HDAC9: variants seen among roughly 807,000 people sequenced by gnomAD.
HDAC9 encodes the protein histone deacetylase 9.
In HDAC9, 41 loss-of-function variants were observed where a neutral mutation model predicts 139.4. That is an observed-to-expected ratio of 0.29 (90% CI 0.23 to 0.38). HDAC9 has a LOEUF of 0.38. HDAC9 is among the 10% of genes least tolerant of loss of function. The pLI, the probability that HDAC9 is intolerant of heterozygous loss-of-function variation, is 1.00. For missense variants in HDAC9, 1,147 were observed against 1,297.0 expected, an observed-to-expected ratio of 0.88 and a Z score of 1.78; for synonymous variants, 517 against 476.2, an observed-to-expected ratio of 1.09 and a Z score of -1.12.
intron 2 of HDAC9, among the ~76,000 whole-genome samples, chr7:18,246,990 T>C (rs894071318): frequency 1.3e-5 from 2 of 152,088 alleles, no homozygotes; most frequent in African/African-American, 4.8e-5. Context: ...ATTCTCCAGT[T>C]GTTCTAACGT....
At chr7:18,270,625 G>A (rs1354794647) in intron 2 of HDAC9, among the ~76,000 whole-genome samples, 2 of 151,894 alleles carry the variant, frequency 1.3e-5, no homozygotes, top group Admixed American at 1.3e-4. Context: ...TTTTTAATAT[G>A]TATGTATGTG....
intron 19 of HDAC9, among the ~76,000 whole-genome samples, chr7:18,830,948 T>G (rs1443967889): frequency 6.6e-6 from 1 of 152,262 alleles, no homozygotes. Context: ...CTGCATAATT[T>G]GTAAGATATT....
intron 16 of HDAC9, among the ~76,000 whole-genome samples, chr7:18,777,892 G>A (rs1790915938): frequency 6.6e-6 from 1 of 151,898 alleles, no homozygotes; most frequent in Non-Finnish European, 1.5e-5. Context: ...GCAGAGACTA[G>A]CCATTCTTTA....
intron 1 of HDAC9, among the ~76,000 whole-genome samples, chr7:18,470,135 C>T (rs950492647): frequency 1.3e-5 from 2 of 151,928 alleles, no homozygotes; most frequent in East Asian, 3.9e-4. Context: ...GCCAGGAGTT[C>T]GAGACCCTGT....
Position 18,647,593 on chromosome 7 carries a change from C to G in HDAC9, c.1036-192C>G, listed in dbSNP as rs559761813. Among the ~76,000 whole-genome samples, 11 of 152,252 alleles carry G rather than the reference C, an allele frequency of 7.2e-5. No homozygotes were observed. The South Asian group carries it at 1.5e-3, about 20-fold the overall frequency. The stretch of plus-strand genomic sequence containing the variant: ...ACAATATTAAATTGTCTTCAGTGCT[C>G]CAACCCTATTTTTATTCCTTCTTTT... On this transcript the variant is annotated intron_variant, in intron 9 of 25. Transcript: ENST00000686413.
intron 1 of HDAC9, among the ~76,000 whole-genome samples, chr7:18,295,347 A>G (rs752026104): frequency 2.0e-5 from 3 of 152,190 alleles, no homozygotes; most frequent in African/African-American, 7.2e-5. Context: ...CTAAGGAGCT[A>G]ATAAATAATC....
intron 16 of HDAC9, among the ~76,000 whole-genome samples, chr7:18,780,349 G>A (rs1791141207): frequency 6.6e-6 from 1 of 152,070 alleles, no homozygotes; most frequent in Non-Finnish European, 1.5e-5. Context: ...TCAGATAGCA[G>A]GCTCCCATTA....
intron 17 of HDAC9, among the ~76,000 whole-genome samples, chr7:18,801,229 A>G (rs1230053836): frequency 6.6e-6 from 1 of 152,046 alleles, no homozygotes; most frequent in Non-Finnish European, 1.5e-5. Flanking sequence ...TGTTTACTAC[A>G]GGCTATTGTA....
At chr7:18,289,810 G>A (rs1418082281), upstream of HDAC9, among the ~76,000 whole-genome samples, 1 of 151,960 alleles carries the variant, frequency 6.6e-6, no homozygotes, top group Non-Finnish European at 1.5e-5. Flanking sequence ...CTCATTCACC[G>A]CAGGCCTTTC....
At chr7:18,771,988 T>G (rs1407663340) in intron 16 of HDAC9, among the ~76,000 whole-genome samples, 1 of 152,112 alleles carries the variant, frequency 6.6e-6, no homozygotes, top group African/African-American at 2.4e-5. Context: ...AGGTGCAGCA[T>G]GCAAAAACGA....
intron 2 of HDAC9, among the ~76,000 whole-genome samples, chr7:18,192,444 C>A (rs895151097): frequency 1.3e-5 from 2 of 152,044 alleles, no homozygotes; most frequent in East Asian, 1.9e-4. Context: ...ACTTACGTTG[C>A]CAGATTTGGT....
At chr7:18,416,334 A>G (rs1432002836) in intron 1 of HDAC9, among the ~76,000 whole-genome samples, 1 of 152,100 alleles carries the variant, frequency 6.6e-6, no homozygotes, top group Non-Finnish European at 1.5e-5. Flanking sequence ...AAAGAATTTT[A>G]CATCTATGTT....
At chr7:18,232,935 G>A (rs981048329) in intron 2 of HDAC9, among the ~76,000 whole-genome samples, 2 of 152,054 alleles carry the variant, frequency 1.3e-5, no homozygotes, top group Non-Finnish European at 1.5e-5. Context: ...ATGAGCATAG[G>A]TTCATAATAA....
At chr7:18,285,586 A>G (rs143929762), upstream of HDAC9, among the ~76,000 whole-genome samples, 2 of 152,114 alleles carry the variant, frequency 1.3e-5, no homozygotes, top group East Asian at 1.9e-4. Context: ...TTACACTCCT[A>G]CCAGCAGTGT....
intron 25 of HDAC9, among the ~76,000 whole-genome samples, chr7:18,977,283 A>G (rs1283742293): frequency 1.3e-5 from 2 of 152,208 alleles, no homozygotes; most frequent in South Asian, 2.1e-4. Flanking sequence ...TCCGAAGGCC[A>G]AAAACAGTTA....
Position 18,644,777 on chromosome 7 carries a change from T to G in HDAC9, c.1019T>G (p.Val340Gly). 2 of 1,611,772 alleles carry G rather than the reference T, an allele frequency of 1.2e-6. No individual in the cohort carries two copies. The highest frequency in any genetic ancestry group is 1.7e-5 in the Admixed American group (1 of 59,724). ...AACATTACCTTGGGGCTTCCCGCAG[T>G]GCCATCCCAGCTCAATGTAAGTCAT... is the stretch of plus-strand genomic sequence containing the variant. ...LPNITLGLPA[V>G]PSQLNASNSL... The change falls in exon 9 of 26, where the codon GTG becomes GGG. Residue 340 changes from valine (V) to glycine (G), a missense_variant. By Grantham distance (109) the Val-to-Gly change is moderately radical. Around this residue, in one of 7 missense-constraint regions of HDAC9, gnomAD observed 264 missense variants for 273.8 expected, o/e 0.96. Coordinates refer to ENST00000686413, the MANE Select transcript of HDAC9 (RefSeq NM_178425.4).
chr7:18,646,762 A>G (rs1209052817), intron 9 of HDAC9, among the ~76,000 whole-genome samples: 1 of 152,170 alleles, frequency 6.6e-6, no homozygotes, highest in Non-Finnish European at 1.5e-5. Flanking sequence ...TAGCAAAATG[A>G]CCACCATTCA....
rs6974469 is a variant in HDAC9, at chr7:18,741,385, C to G, written c.1910-7620C>G. Among the ~76,000 whole-genome samples the G allele has an allele frequency of 2.6e-3, 403 of 152,296 alleles. 2 individuals carry two copies. The highest frequency in any genetic ancestry group is 9.3e-3 in the African/African-American group (386 of 41,566). On this transcript the variant is annotated intron_variant, in intron 13 of 25. Transcript: ENST00000686413. ...CAGAATTATGCTAAGTCTACTCTACCTGTGCTCTATAAATGGAACCACAAA... is the reference window on the plus strand; with the variant it reads ...CAGAATTATGCTAAGTCTACTCTACGTGTGCTCTATAAATGGAACCACAAA...
At chr7:18,640,488 A>G (rs1392226371) in intron 8 of HDAC9, among the ~76,000 whole-genome samples, 1 of 145,942 alleles carries the variant, frequency 6.9e-6, no homozygotes, top group African/African-American at 2.5e-5. Flanking sequence ...GTATTTGTTT[A>G]TCTTCTTCTC....
Sources: allele counts gnomAD v4.1 joint callset (sites outside exome capture counted in the v4.1 genomes callset), GRCh38; gene constraint gnomAD v4.1.1; regional missense constraint gnomAD v4.1.1; transcripts MANE v1.5; gene names NCBI Gene and HGNC (gene_info 2026-07-23, HGNC 2026-07-21).